The following GSE1 variants were observed in gnomAD, a reference collection of about 807,000 sequenced individuals.
GSE1 encodes the protein Gse1 coiled-coil protein, also known as genetic suppressor element 1.
Under a neutral mutation model 112.6 loss-of-function variants are expected in GSE1, and 32 were observed. The observed-to-expected ratio is 0.28, with a 90% CI of 0.21 to 0.38. The LOEUF is 0.38. GSE1 is among the 10% of genes least tolerant of loss of function. The pLI is 1.00. For synonymous variants in GSE1, 1,115 were observed against 735.6 expected, an observed-to-expected ratio of 1.52 and a Z score of -8.35; for missense variants, 2,348 against 1,699.2, an observed-to-expected ratio of 1.38 and a Z score of -6.71.
intron 2 of GSE1, among the ~76,000 whole-genome samples, chr16:85,455,079 A>G (rs560410601): frequency 6.6e-6 from 1 of 152,218 alleles, no homozygotes; most frequent in Non-Finnish European, 1.5e-5. Context: ...CTTCGTAAGC[A>G]TCAGAGGAGC....
At chr16:85,507,432 A>T (rs557498040) in intron 2 of GSE1, among the ~76,000 whole-genome samples, 1 of 152,258 alleles carries the variant, frequency 6.6e-6, no homozygotes, top group Admixed American at 6.5e-5. Flanking sequence ...TGGGATTCCC[A>T]TTTGGGACCG....
intron 1 of GSE1, among the ~76,000 whole-genome samples, chr16:85,181,102 C>T (rs1354875401): frequency 1.3e-5 from 2 of 152,186 alleles, no homozygotes; most frequent in Admixed American, 1.3e-4. Flanking sequence ...CTGGTGTCAG[C>T]CCCAGCTTCC....
At chr16:85,539,919 G>A (rs940296055) in intron 2 of GSE1, among the ~76,000 whole-genome samples, 9 of 152,234 alleles carry the variant, frequency 5.9e-5, no homozygotes, top group Admixed American at 5.9e-4. Flanking sequence ...CGTGGGGCCT[G>A]TGACCTGGTG....
At chr16:85,576,511 C>T (rs2046233328) in intron 1 of GSE1, among the ~76,000 whole-genome samples, 1 of 152,166 alleles carries the variant, frequency 6.6e-6, no homozygotes, top group Non-Finnish European at 1.5e-5. Context: ...GAGCTCGGAT[C>T]ACCTGACATC....
intron 1 of GSE1, among the ~76,000 whole-genome samples, chr16:85,266,090 GC>G (rs1437553376): frequency 6.6e-6 from 1 of 152,194 alleles, no homozygotes; most frequent in Non-Finnish European, 1.5e-5. Flanking sequence ...TCATGGGAAG[GC>G]CGTTCCAAGG....
At chr16:85,664,979 AACTG>A in intron 11 of GSE1, 32 bp from the exon 12 acceptor site, 1 of 1,309,592 alleles carries the variant, frequency 7.6e-7, no homozygotes. Context: ...AAAATGATGC[AACTG>A]GCTCGTTAAT....
rs745652222 is a variant in GSE1, at chr16:85,661,273, C to T, written c.1768C>T (p.Leu590=). 24 of 1,612,860 alleles carry T rather than the reference C, an allele frequency of 1.5e-5. No homozygotes were observed. The highest frequency in any genetic ancestry group is 1.6e-4 in the Middle Eastern group (1 of 6,084). The change falls in exon 9 of 16, where the codon CTG becomes TTG. Residue 590 remains leucine, a synonymous_variant. Transcript: ENST00000253458. ...CACGGCCCTCTGGAACCCCGTGTCC[C>T]TGATGGACAACACCTTGGAGACGCG... The part of the protein sequence containing the change: ...APTALWNPVS[L]MDNTLETRRA...
At chr16:85,618,609 C>A (rs1380399104) in intron 1 of GSE1, among the ~76,000 whole-genome samples, 1 of 152,218 alleles carries the variant, frequency 6.6e-6, no homozygotes, top group Non-Finnish European at 1.5e-5. Flanking sequence ...TACCAAGTGC[C>A]CAGTACAGCA....
intron 2 of GSE1, among the ~76,000 whole-genome samples, chr16:85,514,563 G>A (rs776568715): frequency 1.3e-5 from 2 of 152,116 alleles, no homozygotes; most frequent in Non-Finnish European, 1.5e-5. Context: ...AGCTTGGCAC[G>A]GCCTCCGGGA....
chr16:85,584,668 C>T (rs1308286590), intron 1 of GSE1, among the ~76,000 whole-genome samples: 3 of 152,160 alleles, frequency 2.0e-5, no homozygotes, highest in Admixed American at 1.3e-4. Context: ...ACTGCTTTTC[C>T]GTTCCCCCTC....
At chr16:85,489,911 T>C (rs895696513) in intron 2 of GSE1, 3 of 151,990 alleles carry the variant, frequency 2.0e-5, no homozygotes, top group Non-Finnish European at 4.4e-5. Context: ...AGTGTAGCCG[T>C]GGCAGCCACA....
chr16:85,623,949 C>A (rs771188177), intron 1 of GSE1, among the ~76,000 whole-genome samples: 43 of 152,340 alleles, frequency 2.8e-4, no homozygotes, highest in Non-Finnish European at 5.4e-4. Context: ...CTGGCACTCA[C>A]TCGGTACAGA....
rs149866006 is a variant in GSE1 at position 85,307,466 on chromosome 16, T to C, written c.2284-49997T>C. On this transcript the variant is annotated intron_variant, in intron 1 of 2. Coordinates refer to the GSE1 transcript ENST00000637419. The stretch of plus-strand genomic sequence containing the variant: ...CGAAAGCTGCACTCACAGTTATAGT[T>C]TATTACAGATGCAGGTTTAAGTCAG... 3.3e-3 allele frequency among the ~76,000 whole-genome samples: 506 copies of C among 152,262 alleles called. 5 individuals are homozygous for C. Among genetic ancestry groups the C allele is most frequent in the African/African-American group, 0.012 (484 of 41,546 alleles).
intron 1 of GSE1, chr16:85,592,947 C>A (rs902120966): frequency 3.9e-5 from 6 of 152,396 alleles, no homozygotes; most frequent in African/African-American, 1.4e-4. Flanking sequence ...ATGGCTGCCT[C>A]TCTCTCCAGG....
chr16:85,238,948 G>T (rs1448578822), intron 1 of GSE1, among the ~76,000 whole-genome samples: 1 of 151,342 alleles, frequency 6.6e-6, no homozygotes, highest in Non-Finnish European at 1.5e-5. Flanking sequence ...GTTTTTTTTT[G>T]AGATGGAGCC....
At chr16:85,295,881 A>G (rs1280808424) in intron 1 of GSE1, among the ~76,000 whole-genome samples, 1 of 151,570 alleles carries the variant, frequency 6.6e-6, no homozygotes, top group East Asian at 1.9e-4. Context: ...CTGGGACTAC[A>G]GGTGTGAGCC....
chr16:85,514,218 C>T (rs1253676494), intron 2 of GSE1, among the ~76,000 whole-genome samples: 2 of 150,762 alleles, frequency 1.3e-5, no homozygotes, highest in African/African-American at 4.9e-5. Flanking sequence ...TGTCTCCCCT[C>T]TCCCCTCCCC....
At position 85,639,039 on chromosome 16, in the gene GSE1, G is replaced by A. The variant is rs146255564; in HGVS notation, c.226+4907G>A. On this transcript the variant is annotated intron_variant, in intron 2 of 15. Coordinates refer to ENST00000253458, the MANE Select transcript of GSE1 (RefSeq NM_014615.5). ...CTAGAAGGAGGCTGCAGGTTTGGGC[G>A]TGATCCTGAGTTGATCCTGGGTTGC... is the stretch of plus-strand genomic sequence containing the variant. 6.6e-3 allele frequency among the ~76,000 whole-genome samples: 1,000 copies of A among 152,288 alleles called. 6 individuals are homozygous for A. The highest frequency in any genetic ancestry group is 0.023 in the African/African-American group (952 of 41,556).
chr16:85,435,687 A>G (rs963469919), intron 2 of GSE1, among the ~76,000 whole-genome samples: 9 of 122,476 alleles, frequency 7.3e-5, no homozygotes, highest in African/African-American at 2.9e-4. Context: ...GTGTAGGATG[A>G]GGATGGCCTG....
Sources: gnomAD v4.1 joint callset for allele counts (sites outside exome capture counted in the v4.1 genomes callset) on GRCh38, gnomAD v4.1.1 for gene constraint, MANE v1.5 for transcripts, NCBI Gene and HGNC (gene_info 2026-07-23, HGNC 2026-07-21) for gene names.